CTNNA2: variants seen among roughly 807,000 people sequenced by gnomAD.
CTNNA2 encodes the protein catenin alpha 2, also known as catenin alpha-2.
Under a neutral mutation model 101.0 loss-of-function variants are expected in CTNNA2, and 42 were observed. The observed-to-expected ratio is 0.42, with a 90% CI of 0.32 to 0.54. CTNNA2 has a LOEUF of 0.54. CTNNA2 is among the 20% of genes least tolerant of loss of function. The pLI, the probability that CTNNA2 is intolerant of heterozygous loss-of-function variation, is 0.14. For missense variants in CTNNA2, 871 were observed against 1,223.1 expected, an observed-to-expected ratio of 0.71 and a Z score of 4.29; for synonymous variants, 450 against 456.4, an observed-to-expected ratio of 0.99 and a Z score of 0.18.
intron 3 of CTNNA2, among the ~76,000 whole-genome samples, chr2:79,832,794 G>T (rs186933998): frequency 6.6e-6 from 1 of 152,184 alleles, no homozygotes; most frequent in Non-Finnish European, 1.5e-5. Context: ...TTTGCACAAG[G>T]CTTCGCAGTG....
chr2:80,331,541 T>G (rs907911773), intron 7 of CTNNA2, among the ~76,000 whole-genome samples: 1 of 152,172 alleles, frequency 6.6e-6, no homozygotes, highest in Non-Finnish European at 1.5e-5. Context: ...TCTTTACAAG[T>G]GTTCTCTGTG....
intron 3 of CTNNA2, among the ~76,000 whole-genome samples, chr2:79,784,313 G>A (rs949678052): frequency 7.2e-5 from 11 of 151,910 alleles, no homozygotes; most frequent in Admixed American, 4.6e-4. Flanking sequence ...TCTAAAGGCC[G>A]TAGTTCCCCT....
At chr2:80,522,233 T>G (rs975087022) in intron 9 of CTNNA2, among the ~76,000 whole-genome samples, 2 of 152,104 alleles carry the variant, frequency 1.3e-5, no homozygotes, top group African/African-American at 4.8e-5. Flanking sequence ...TGATTGGTAG[T>G]TAGTGTGAGC....
chr2:80,555,452 AT>A lies in CTNNA2; in HGVS notation c.1541-239del, dbSNP rs561607675. ...TTGGGCTCTACCCCAGACTTACTGA[AT>A]TGGAAACTCTAGGAGTGGCACCTAG... On this transcript the variant is annotated intron_variant, in intron 11 of 18. Transcript: ENST00000402739. Among the ~76,000 whole-genome samples, 355 of 152,314 alleles carry A rather than the reference AT, an allele frequency of 2.3e-3. 1 individual carries two copies. The highest frequency in any genetic ancestry group is 8.1e-3 in the African/African-American group (336 of 41,574).
chr2:79,839,705 C>G (rs1679660797), intron 3 of CTNNA2, among the ~76,000 whole-genome samples: 1 of 151,406 alleles, frequency 6.6e-6, no homozygotes, highest in Non-Finnish European at 1.5e-5. Flanking sequence ...TTTATTTCTT[C>G]CTTTGAGATT....
intron 7 of CTNNA2, among the ~76,000 whole-genome samples, chr2:79,945,743 A>G (rs1023996755): frequency 6.6e-6 from 1 of 152,168 alleles, no homozygotes; most frequent in Non-Finnish European, 1.5e-5. Context: ...ATCCTCTGAG[A>G]TTCTAGAGAA....
At chr2:80,357,807 C>T (rs1673986034) in intron 7 of CTNNA2, among the ~76,000 whole-genome samples, 1 of 152,106 alleles carries the variant, frequency 6.6e-6, no homozygotes, top group Non-Finnish European at 1.5e-5. Context: ...CCATCAGATA[C>T]TTACCTTCAT....
intron 4 of CTNNA2, among the ~76,000 whole-genome samples, chr2:79,380,599 T>C (rs1022574373): frequency 3.3e-5 from 5 of 152,186 alleles, no homozygotes; most frequent in Admixed American, 3.3e-4. Flanking sequence ...GATTTTATTT[T>C]TCCTTTTCTT....
At chr2:79,857,402 C>G (rs1170572046) in intron 3 of CTNNA2, among the ~76,000 whole-genome samples, 1 of 152,150 alleles carries the variant, frequency 6.6e-6, no homozygotes, top group Admixed American at 6.5e-5. Context: ...AATGGCAGAG[C>G]CTAGTACAGA....
chr2:79,705,738 A>G (rs1185186289), intron 2 of CTNNA2, among the ~76,000 whole-genome samples: 1 of 152,248 alleles, frequency 6.6e-6, no homozygotes, highest in Non-Finnish European at 1.5e-5. Flanking sequence ...CAAAATGTAA[A>G]TATTAAAAAA....
chr2:80,365,550 C>A (rs1674838694), intron 7 of CTNNA2, among the ~76,000 whole-genome samples: 2 of 145,132 alleles, frequency 1.4e-5, no homozygotes, highest in African/African-American at 2.6e-5. Flanking sequence ...TTGCCTACAA[C>A]ATGATAGTTT....
chr2:79,641,909 T>C lies in CTNNA2; in HGVS notation c.-5-9643T>C, dbSNP rs143810178. On this transcript the variant is annotated intron_variant, in intron 1 of 18. Coordinates refer to ENST00000402739, the MANE Select transcript of CTNNA2 (RefSeq NM_001282597.3). ...AATTTTATGAGTGTGCTATTGTAAG[T>C]ATAAAAACCCATTTCAGTGAGATAT... Among the ~76,000 whole-genome samples, 131 of 152,282 alleles carry C rather than the reference T, an allele frequency of 8.6e-4. 1 individual carries two copies. In the East Asian group the frequency reaches 0.024, roughly 28 times the overall value.
At chr2:80,175,254 A>G (rs926167789) in intron 7 of CTNNA2, among the ~76,000 whole-genome samples, 3 of 152,214 alleles carry the variant, frequency 2.0e-5, no homozygotes, top group African/African-American at 4.8e-5. Context: ...TGCCCCCATT[A>G]TCAGCTCCCA....
intron 7 of CTNNA2, among the ~76,000 whole-genome samples, chr2:79,988,656 A>G (rs1362880049): frequency 1.3e-5 from 2 of 152,310 alleles, no homozygotes; most frequent in Non-Finnish European, 2.9e-5. Flanking sequence ...CATTGAAGAA[A>G]GTAACTTCCC....
At chr2:79,282,369 C>G (rs1422374952) in intron 2 of CTNNA2, among the ~76,000 whole-genome samples, 1 of 152,080 alleles carries the variant, frequency 6.6e-6, no homozygotes, top group Admixed American at 6.6e-5. Context: ...AACTCATCAT[C>G]TAGCATTAGG....
At chr2:79,391,199 G>C (rs958577325) in intron 4 of CTNNA2, among the ~76,000 whole-genome samples, 7 of 151,950 alleles carry the variant, frequency 4.6e-5, no homozygotes, top group Non-Finnish European at 1.5e-5. Context: ...AAAAATATGG[G>C]TTTTAATTTT....
chr2:80,048,961 A>G (rs1696699418), intron 7 of CTNNA2, among the ~76,000 whole-genome samples: 1 of 152,170 alleles, frequency 6.6e-6, no homozygotes, highest in Non-Finnish European at 1.5e-5. Flanking sequence ...GGGCAGGAAG[A>G]TTGAAATATG....
chr2:79,234,816 A>G (rs1039399331), intron 2 of CTNNA2, among the ~76,000 whole-genome samples: 2 of 152,228 alleles, frequency 1.3e-5, no homozygotes, highest in African/African-American at 2.4e-5. Context: ...AGCTTGATCT[A>G]TTCTGCTATT....
chr2:80,629,140 C>T (rs946588580), intron 18 of CTNNA2, among the ~76,000 whole-genome samples: 6 of 151,970 alleles, frequency 3.9e-5, no homozygotes, highest in African/African-American at 1.4e-4. Context: ...CTTCTCTCCC[C>T]ACAAAAGACT....
Sources: allele counts gnomAD v4.1 joint callset (sites outside exome capture counted in the v4.1 genomes callset), GRCh38; gene constraint gnomAD v4.1.1; transcripts MANE v1.5; gene names NCBI Gene and HGNC (gene_info 2026-07-23, HGNC 2026-07-21).